FRMD4B: variants seen among roughly 807,000 people sequenced by gnomAD.
FRMD4B encodes the protein FERM domain containing 4B, also known as FERM domain-containing protein 4B.
Under a neutral mutation model 141.5 loss-of-function variants are expected in FRMD4B, and 74 were observed. The ratio of observed to expected loss-of-function variants is 0.52; its 90% confidence interval spans 0.43 to 0.63. The LOEUF is 0.63. Among genes scored for constraint, FRMD4B ranks in the 30% least tolerant of loss-of-function variants. The pLI is 0.00. For synonymous variants in FRMD4B, 506 were observed against 467.9 expected (o/e 1.08, Z -1.05); for missense variants, 1,366 against 1,253.4 (o/e 1.09, Z -1.36).
Position 69,189,898 on chromosome 3 carries a change from T to C in FRMD4B, c.1769A>G (p.Asp590Gly). The C allele has an allele frequency of 1.3e-6, 2 of 1,583,882 alleles. No homozygotes were observed. The highest frequency in any genetic ancestry group is 1.7e-6 in the Non-Finnish European group (2 of 1,153,520). The change falls in exon 18 of 23, where the codon GAT becomes GGT. Residue 590 changes from aspartate to glycine, a missense_variant and splice_region_variant. Physicochemically the swap from Asp to Gly is moderately conservative, Grantham distance 94. Coordinates refer to ENST00000398540, the MANE Select transcript of FRMD4B (RefSeq NM_015123.3). ...SSLSDTTTYD[D>G]PSDAFTFPGQ... is the part of the protein sequence containing the mutation. ...CCAAAAAAGGAAGAGCCACTTACGA[T>C]CATCATAGGTGGTGGTGTCAGACAA...
At chr3:69,358,750 A>T (rs1703393120) in intron 1 of FRMD4B, among the ~76,000 whole-genome samples, 1 of 152,120 alleles carries the variant, frequency 6.6e-6, no homozygotes, top group African/African-American at 2.4e-5. Flanking sequence ...ACAAACAAAT[A>T]AACAAACAAA....
chr3:69,293,554 T>A (rs1210811019), intron 4 of FRMD4B, among the ~76,000 whole-genome samples: 2 of 151,988 alleles, frequency 1.3e-5, no homozygotes, highest in Admixed American at 6.6e-5. Flanking sequence ...GTTGGGAACA[T>A]CTTTAAAGCT....
chr3:69,462,178 C>T (rs1295657006), intron 1 of FRMD4B, among the ~76,000 whole-genome samples: 6 of 152,122 alleles, frequency 3.9e-5, no homozygotes, highest in Non-Finnish European at 7.4e-5. Context: ...ATGGTGTCTT[C>T]GTGAACAGTA....
chr3:69,403,314 C>T (rs1704598987), intron 2 of FRMD4B, among the ~76,000 whole-genome samples: 1 of 152,230 alleles, frequency 6.6e-6, no homozygotes, highest in Non-Finnish European at 1.5e-5. Context: ...TGTTAATGTT[C>T]TCAACAACTC....
chr3:69,232,254 C>A (rs1443207653), intron 7 of FRMD4B, among the ~76,000 whole-genome samples: 1 of 151,968 alleles, frequency 6.6e-6, no homozygotes, highest in African/African-American at 2.4e-5. Context: ...CGGGTCCTAG[C>A]CAGAGAGAAT....
At chr3:69,209,666 G>A (rs970399101) in intron 11 of FRMD4B, among the ~76,000 whole-genome samples, 1 of 152,210 alleles carries the variant, frequency 6.6e-6, no homozygotes, top group African/African-American at 2.4e-5. Context: ...CTCTGCAGAA[G>A]GTTTTAACAA....
At chr3:69,457,502 G>T (rs928120816) in intron 1 of FRMD4B, among the ~76,000 whole-genome samples, 4 of 152,110 alleles carry the variant, frequency 2.6e-5, no homozygotes, top group African/African-American at 9.7e-5. Flanking sequence ...ATCTACTTGG[G>T]GTCCTGGGAG....
intron 1 of FRMD4B, among the ~76,000 whole-genome samples, chr3:69,534,343 AT>A (rs1267549436): frequency 6.6e-6 from 1 of 152,102 alleles, no homozygotes; most frequent in Admixed American, 6.6e-5. Flanking sequence ...GTCTAGGTGA[AT>A]TTTTTTTCTG....
chr3:69,228,459 G>C (rs879354581), intron 7 of FRMD4B: 10 of 456,562 alleles, frequency 2.2e-5, no homozygotes, highest in African/African-American at 1.2e-4. Flanking sequence ...ACTCTGAAGA[G>C]AGGAGAACAT....
chr3:69,501,851 AT>A (rs150018629), intron 1 of FRMD4B, among the ~76,000 whole-genome samples: 3,123 of 152,334 alleles, frequency 0.021, 52 homozygotes, highest in Middle Eastern at 0.054. Flanking sequence ...TACAAAATCA[AT>A]GTGCAAAAAT....
At chr3:69,293,278 C>T (rs1481167291) in intron 4 of FRMD4B, among the ~76,000 whole-genome samples, 1 of 150,636 alleles carries the variant, frequency 6.6e-6, no homozygotes, top group Admixed American at 6.6e-5. Flanking sequence ...GTATTTATTT[C>T]TAGTGGTCAC....
chr3:69,354,225 G>A (rs1030002312), intron 1 of FRMD4B, among the ~76,000 whole-genome samples: 1 of 152,030 alleles, frequency 6.6e-6, no homozygotes, highest in Non-Finnish European at 1.5e-5. Flanking sequence ...TTCACTATTT[G>A]CATTTAATGA....
At chr3:69,315,193 T>C (rs989407258) in intron 1 of FRMD4B, among the ~76,000 whole-genome samples, 3 of 152,218 alleles carry the variant, frequency 2.0e-5, no homozygotes, top group Non-Finnish European at 4.4e-5. Context: ...AGTTTTTTAT[T>C]ATTCAGAATT....
intron 1 of FRMD4B, among the ~76,000 whole-genome samples, chr3:69,536,910 G>A (rs1701096062): frequency 6.6e-6 from 1 of 151,910 alleles, no homozygotes; most frequent in South Asian, 2.1e-4. Context: ...CCACACCCAG[G>A]TAATTTTAAA....
intron 1 of FRMD4B, among the ~76,000 whole-genome samples, chr3:69,493,519 G>A (rs1216167768): frequency 6.6e-6 from 1 of 152,170 alleles, no homozygotes; most frequent in South Asian, 2.1e-4. Flanking sequence ...TCCTGGAATG[G>A]AAGGTTAGGT....
chr3:69,302,148 G>T (rs2107166747), intron 4 of FRMD4B, among the ~76,000 whole-genome samples, 195 bp downstream of exon 4: 1 of 152,244 alleles, frequency 6.6e-6, no homozygotes, highest in Non-Finnish European at 1.5e-5. Flanking sequence ...CAGCTCTACG[G>T]TATCTATGGT....
intron 3 of FRMD4B, among the ~76,000 whole-genome samples, chr3:69,302,671 G>A (rs1023548427): frequency 2.6e-5 from 4 of 152,162 alleles, no homozygotes; most frequent in African/African-American, 9.7e-5. Context: ...TTGCACATGT[G>A]AGAAATAATT....
intron 1 of FRMD4B, among the ~76,000 whole-genome samples, chr3:69,478,641 G>A (rs1400496556): frequency 6.6e-6 from 1 of 152,144 alleles, no homozygotes; most frequent in African/African-American, 2.4e-5. Flanking sequence ...GGTCAATTTA[G>A]GAATAGGTGT....
At chr3:69,381,443 T>C (rs1704116711) in intron 1 of FRMD4B, among the ~76,000 whole-genome samples, 1 of 152,212 alleles carries the variant, frequency 6.6e-6, no homozygotes, top group Non-Finnish European at 1.5e-5. Flanking sequence ...CCCACCCTAT[T>C]TCTCTCTAGA....
Sources: gnomAD v4.1 joint callset for allele counts (sites outside exome capture counted in the v4.1 genomes callset) on GRCh38, gnomAD v4.1.1 for gene constraint, MANE v1.5 for transcripts, NCBI Gene and HGNC (gene_info 2026-07-23, HGNC 2026-07-21) for gene names.